The following ESR2 variants were observed in gnomAD, a reference collection of about 807,000 sequenced individuals.
ESR2 encodes estrogen receptor beta.
ESR2 carries 36 observed loss-of-function variants against 49.6 expected under a neutral mutation model. The observed-to-expected ratio is 0.73, with a 90% CI of 0.56 to 0.96. The LOEUF (loss-of-function observed/expected upper bound fraction) is 0.96, where lower values mean the gene tolerates loss of function less well. ESR2 is among the 40% of genes least tolerant of loss of function. ESR2 has a pLI of 0.00. For missense variants in ESR2, 714 were observed against 693.0 expected (o/e 1.03, Z -0.34); for synonymous variants, 320 against 266.1 (o/e 1.20, Z -1.97).
intron 1 of ESR2, among the ~76,000 whole-genome samples, chr14:64,322,681 A>G (rs1212058949): frequency 6.6e-6 from 1 of 152,190 alleles, no homozygotes; most frequent in East Asian, 1.9e-4. Context: ...AGAATGATTT[A>G]CTCTTAAATG....
chr14:64,283,147 A>T, intron 1 of ESR2, 72 bp from the exon 2 acceptor site: 1 of 595,928 alleles, frequency 1.7e-6, no homozygotes, highest in Non-Finnish European at 2.8e-6. Context: ...AAATATTTTC[A>T]TTAAAAAAAT....
chr14:64,334,990 A>G (rs1423226857), intron 1 of ESR2, among the ~76,000 whole-genome samples: 1 of 152,234 alleles, frequency 6.6e-6, no homozygotes, highest in Non-Finnish European at 1.5e-5. Context: ...CTGTTTGTGT[A>G]GGGTTTTTTC....
At chr14:64,257,176 G>T (rs892014905) in intron 6 of ESR2, 50 bp downstream of exon 6, 1 of 1,568,942 alleles carries the variant, frequency 6.4e-7, no homozygotes, top group Admixed American at 1.7e-5. Flanking sequence ...CACTCACTAA[G>T]CACCTTACTC....
chr14:64,320,754 G>C (rs1166993340), intron 1 of ESR2, among the ~76,000 whole-genome samples: 3 of 152,094 alleles, frequency 2.0e-5, no homozygotes, highest in Non-Finnish European at 4.4e-5. Flanking sequence ...AATTAGTCGG[G>C]TGTGGTGGTG....
intron 1 of ESR2, among the ~76,000 whole-genome samples, chr14:64,287,090 T>C (rs1419905169): frequency 1.3e-5 from 2 of 151,780 alleles, no homozygotes; most frequent in East Asian, 3.9e-4. Flanking sequence ...ATCTTAGCCA[T>C]TTCTAAGTAT....
intron 1 of ESR2, among the ~76,000 whole-genome samples, chr14:64,333,114 A>T (rs1019810307): frequency 3.9e-5 from 6 of 151,966 alleles, no homozygotes; most frequent in Admixed American, 2.0e-4. Flanking sequence ...CCTGACCTTG[A>T]TAATCACAAG....
intron 1 of ESR2, among the ~76,000 whole-genome samples, chr14:64,316,683 C>T (rs2077260013): frequency 1.3e-5 from 2 of 151,956 alleles, no homozygotes; most frequent in South Asian, 4.2e-4. Flanking sequence ...GTGGCACGCA[C>T]CTGTGGTACC....
intron 4 of ESR2, among the ~76,000 whole-genome samples, 192 bp downstream of exon 4, chr14:64,268,603 T>TCCCAAAATC (rs2076377897): frequency 6.6e-6 from 1 of 152,188 alleles, no homozygotes; most frequent in Non-Finnish European, 1.5e-5. Flanking sequence ...CCATAATCTG[T>TCCCAAAATC]TCCCATTCAC....
intron 7 of ESR2, among the ~76,000 whole-genome samples, chr14:64,242,164 C>A (rs1167513693): frequency 6.6e-6 from 1 of 152,052 alleles, no homozygotes; most frequent in Non-Finnish European, 1.5e-5. Flanking sequence ...AATCCTAGCA[C>A]TTTGGGAGGC....
chr14:64,312,408 G>A (rs555294346), intron 1 of ESR2, among the ~76,000 whole-genome samples: 42 of 152,186 alleles, frequency 2.8e-4, no homozygotes, highest in Admixed American at 2.4e-3. Flanking sequence ...TAGGCCGGGC[G>A]CAGTGTCTCA....
intron 3 of ESR2, among the ~76,000 whole-genome samples, chr14:64,273,275 C>A (rs1294916287): frequency 6.6e-6 from 1 of 152,114 alleles, no homozygotes; most frequent in East Asian, 1.9e-4. Flanking sequence ...GATAATTAGA[C>A]TTCTTCCTTT....
intron 3 of ESR2, among the ~76,000 whole-genome samples, chr14:64,271,607 T>C (rs2076448202): frequency 6.6e-6 from 1 of 152,236 alleles, no homozygotes. Flanking sequence ...ATTACAGGCA[T>C]GAGGCACTGC....
intron 1 of ESR2, among the ~76,000 whole-genome samples, chr14:64,304,591 C>T (rs976857343): frequency 7.2e-5 from 11 of 152,102 alleles, no homozygotes; most frequent in Admixed American, 2.6e-4. Context: ...TTAAAACCTG[C>T]GCATAGTAGC....
Position 64,292,479 on chromosome 14 carries a change from C to G in ESR2, c.-91+1554G>C, listed in dbSNP as rs1047449002. On this transcript the variant is annotated intron_variant, in intron 1 of 8. Coordinates refer to ENST00000341099, the MANE Select transcript of ESR2 (RefSeq NM_001437.3). ...CTGTATGTAAATTATACTGCTGTAGCCTAATTTTTTTAAAGTGCTATTGCA... is the reference window on the plus strand; with the variant it reads ...CTGTATGTAAATTATACTGCTGTAGGCTAATTTTTTTAAAGTGCTATTGCA... Among the ~76,000 whole-genome samples, 3 of 152,056 alleles carry G rather than the reference C, an allele frequency of 2.0e-5. 1 individual carries two copies. Among genetic ancestry groups the G allele is most frequent in the African/African-American group, 7.2e-5 (3 of 41,382 alleles).
intron 7 of ESR2, among the ~76,000 whole-genome samples, chr14:64,243,709 C>T (rs2075790172): frequency 6.6e-6 from 1 of 152,338 alleles, no homozygotes; most frequent in East Asian, 1.9e-4. Context: ...ACCCAGTGAA[C>T]TGCAAGGTTT....
chr14:64,281,071 T>C (rs1417251843), intron 2 of ESR2, among the ~76,000 whole-genome samples: 2 of 151,246 alleles, frequency 1.3e-5, no homozygotes, highest in Non-Finnish European at 2.9e-5. Flanking sequence ...TACCTTGAGA[T>C]GAATGTGAGA....
At chr14:64,256,210 C>T (rs1164304272) in intron 6 of ESR2, among the ~76,000 whole-genome samples, 2 of 152,186 alleles carry the variant, frequency 1.3e-5, no homozygotes, top group African/African-American at 4.8e-5. Context: ...GTTCTACTTT[C>T]CTGCTAAAAA....
At chr14:64,247,350 A>G (rs1308906281) in intron 7 of ESR2, among the ~76,000 whole-genome samples, 2 of 151,346 alleles carry the variant, frequency 1.3e-5, no homozygotes, top group Non-Finnish European at 2.9e-5. Flanking sequence ...CAAACAAACA[A>G]AAAAACTAGT....
chr14:64,234,715 T>C (rs1411027106), intron 8 of ESR2: 1 of 730,770 alleles, frequency 1.4e-6, no homozygotes, highest in Non-Finnish European at 2.1e-6. Flanking sequence ...AAACAGGCTA[T>C]AAACCCCAGC....
Sources: allele counts gnomAD v4.1 joint callset (sites outside exome capture counted in the v4.1 genomes callset), GRCh38; gene constraint gnomAD v4.1.1; transcripts MANE v1.5; gene names NCBI Gene and HGNC (gene_info 2026-07-23, HGNC 2026-07-21).